The following SMYD3 variants were observed in gnomAD, a reference collection of about 807,000 sequenced individuals.
SMYD3 encodes the protein histone-lysine N-methyltransferase SMYD3.
Under a neutral mutation model 57.7 loss-of-function variants are expected in SMYD3, and 36 were observed. That is an observed-to-expected ratio of 0.62 (90% CI 0.48 to 0.82). The LOEUF (loss-of-function observed/expected upper bound fraction) is 0.82. SMYD3 is among the 40% of genes least tolerant of loss of function. The pLI, the probability that SMYD3 is intolerant of heterozygous loss-of-function variation, is 0.00. For missense variants in SMYD3, 515 were observed against 538.8 expected (o/e 0.96, Z 0.44); for synonymous variants, 211 against 195.0 (o/e 1.08, Z -0.68).
At chr1:245,878,382 C>T (rs954392011) in intron 8 of SMYD3, among the ~76,000 whole-genome samples, 19 of 152,198 alleles carry the variant, frequency 1.2e-4, no homozygotes, top group African/African-American at 3.4e-4. Flanking sequence ...GCGAGGTCCA[C>T]GAGGAGGCAG....
At chr1:246,466,689 A>G (rs2067886769) in intron 1 of SMYD3, among the ~76,000 whole-genome samples, 1 of 152,162 alleles carries the variant, frequency 6.6e-6, no homozygotes, top group Non-Finnish European at 1.5e-5. Context: ...AAAAATTTTA[A>G]AACTAAAAAT....
chr1:246,328,581 A>G (rs943990479), intron 4 of SMYD3, among the ~76,000 whole-genome samples: 1 of 152,134 alleles, frequency 6.6e-6, no homozygotes, highest in African/African-American at 2.4e-5. Context: ...CATATCCTTT[A>G]GATTACTTAT....
At chr1:246,070,140 G>A (rs2787997) in intron 5 of SMYD3, among the ~76,000 whole-genome samples, 60,089 of 151,930 alleles carry the variant, frequency 0.4, 14,894 homozygotes, top group African/African-American at 0.68. Context: ...GAGACACACC[G>A]AAAACTAGTG....
chr1:245,766,164 G>A (rs2046085963), intron 10 of SMYD3, among the ~76,000 whole-genome samples: 1 of 152,062 alleles, frequency 6.6e-6, no homozygotes, highest in Non-Finnish European at 1.5e-5. Flanking sequence ...CAGCACTTTG[G>A]GAGGGCGAGG....
chr1:245,810,341 C>T (rs1044683297), intron 10 of SMYD3, among the ~76,000 whole-genome samples: 8 of 152,208 alleles, frequency 5.3e-5, no homozygotes, highest in Admixed American at 1.3e-4. Context: ...TGATCCCTCC[C>T]CTGGGGATGA....
intron 1 of SMYD3, among the ~76,000 whole-genome samples, chr1:246,434,728 A>G (rs1443216178): frequency 1.3e-5 from 2 of 152,246 alleles, no homozygotes; most frequent in African/African-American, 4.8e-5. Context: ...CACTGTGGAA[A>G]GCAGTTTGGA....
chr1:245,814,263 T>C, intron 10 of SMYD3: 1 of 590,984 alleles, frequency 1.7e-6, no homozygotes, highest in Non-Finnish European at 2.1e-6. Flanking sequence ...GTAAACAATT[T>C]AATAATTTCA....
chr1:246,368,915 A>T (rs560903319), intron 1 of SMYD3, among the ~76,000 whole-genome samples: 1 of 152,302 alleles, frequency 6.6e-6, no homozygotes, highest in Admixed American at 6.5e-5. Context: ...CTATATTGGG[A>T]CCTTGTAATC....
At position 246,456,177 on chromosome 1, in the gene SMYD3, T is replaced by C. The variant is rs534650125; in HGVS notation, c.164+50877A>G. 3.2e-4 allele frequency among the ~76,000 whole-genome samples: 49 copies of C among 152,306 alleles called. 1 individual carries two copies. The South Asian group carries it at 9.1e-3, about 28-fold the overall frequency. ...CATTCTCCCTGTTTCTAAGCTGATA[T>C]ATATCTAAGCCTTCAGCTATCACCT... On this transcript the variant is annotated intron_variant, in intron 1 of 11. Coordinates refer to ENST00000490107, the MANE Select transcript of SMYD3 (RefSeq NM_001167740.2).
chr1:245,894,272 AATCAGCACCCTGTAAAATGAACCT>A (rs58967631), intron 8 of SMYD3, among the ~76,000 whole-genome samples: 151,580 of 151,996 alleles, frequency 1, 75,588 homozygotes, highest in Middle Eastern at 1. Flanking sequence ...AAAATGGACC[AATCAGCACCCTGTAAAATGAACCT>A]ATCAGCACTC....
At chr1:245,872,013 A>G (rs1433023798) in intron 8 of SMYD3, among the ~76,000 whole-genome samples, 1 of 152,126 alleles carries the variant, frequency 6.6e-6, no homozygotes, top group Non-Finnish European at 1.5e-5. Context: ...GTAGTCATCC[A>G]AGCAAACTTC....
intron 5 of SMYD3, among the ~76,000 whole-genome samples, chr1:246,314,455 A>G (rs762314853): frequency 3.9e-5 from 6 of 151,960 alleles, no homozygotes; most frequent in African/African-American, 1.4e-4. Flanking sequence ...CACGATACCC[A>G]TAACTCAGAG....
At chr1:246,415,315 C>A (rs2067044040) in intron 1 of SMYD3, among the ~76,000 whole-genome samples, 1 of 152,182 alleles carries the variant, frequency 6.6e-6, no homozygotes, top group African/African-American at 2.4e-5. Flanking sequence ...AAGGGAAAGG[C>A]AAGTGTTGTG....
chr1:246,196,275 T>C (rs1350942979), intron 5 of SMYD3, among the ~76,000 whole-genome samples: 1 of 152,186 alleles, frequency 6.6e-6, no homozygotes, highest in Non-Finnish European at 1.5e-5. Context: ...CAATAACTCC[T>C]GGGTACAGAC....
At chr1:246,169,566 G>C (rs1170319626) in intron 5 of SMYD3, among the ~76,000 whole-genome samples, 1 of 152,030 alleles carries the variant, frequency 6.6e-6, no homozygotes, top group Non-Finnish European at 1.5e-5. Context: ...CTTCCAGGCA[G>C]AATAACAATG....
intron 5 of SMYD3, among the ~76,000 whole-genome samples, chr1:245,937,267 G>A (rs1048350328): frequency 2.6e-5 from 4 of 152,118 alleles, no homozygotes; most frequent in Non-Finnish European, 4.4e-5. Context: ...ATAAAATTGT[G>A]CTTTCTATTT....
intron 1 of SMYD3, among the ~76,000 whole-genome samples, chr1:246,494,889 G>A (rs1553356675): frequency 6.6e-6 from 1 of 152,118 alleles, no homozygotes; most frequent in Non-Finnish European, 1.5e-5. Context: ...TGAACATGCA[G>A]AATTATTTAT....
At chr1:245,992,971 G>A (rs573633455) in intron 5 of SMYD3, among the ~76,000 whole-genome samples, 1 of 144,428 alleles carries the variant, frequency 6.9e-6, no homozygotes, top group South Asian at 2.2e-4. Context: ...TGGCGGTCAT[G>A]GGGCCTGGAG....
chr1:246,068,905 T>C (rs1212211907), intron 5 of SMYD3, among the ~76,000 whole-genome samples: 1 of 152,320 alleles, frequency 6.6e-6, no homozygotes, highest in East Asian at 1.9e-4. Flanking sequence ...TCTTACCTTA[T>C]GCTTCTGCTG....
Sources: gnomAD v4.1 joint callset for allele counts (sites outside exome capture counted in the v4.1 genomes callset) on GRCh38, gnomAD v4.1.1 for gene constraint, MANE v1.5 for transcripts, NCBI Gene and HGNC (gene_info 2026-07-23, HGNC 2026-07-21) for gene names.